The following SYNE1 variants were observed in gnomAD, a reference collection of about 807,000 sequenced individuals.
SYNE1 encodes the protein nesprin-1.
SYNE1 carries 616 observed loss-of-function variants against 1,111.0 expected under a neutral mutation model. That is an observed-to-expected ratio of 0.55 (90% CI 0.52 to 0.59). The LOEUF (loss-of-function observed/expected upper bound fraction) is 0.59, where lower values mean the gene tolerates loss of function less well. Among genes scored for constraint, SYNE1 ranks in the 20% least tolerant of loss-of-function variants. SYNE1 has a pLI of 0.00. For synonymous variants in SYNE1, 3,855 were observed against 3,825.8 expected (o/e 1.01, Z -0.28); for missense variants, 10,006 against 10,417.0 (o/e 0.96, Z 1.72).
rs116059674 is a variant in SYNE1 at position 152,624,625 on chromosome 6, G to A, written c.67+3640C>T. ...ACTATTGTCCTGTATTTGCTTTTAC[G>A]GTTATATTTAAATTGAGTAAAGTTC... On this transcript the variant is annotated intron_variant, in intron 3 of 145. Coordinates refer to ENST00000367255, the MANE Select transcript of SYNE1 (RefSeq NM_182961.4). Among the ~76,000 whole-genome samples, 769 of 152,092 alleles carry A rather than the reference G, an allele frequency of 5.1e-3. 12 individuals carry two copies. Among genetic ancestry groups the A allele is most frequent in the African/African-American group, 0.018 (731 of 41,474 alleles).
At chr6:152,149,394 T>C (rs2060038056) in intron 136 of SYNE1, 83 bp downstream of exon 136, 2 of 1,537,744 alleles carry the variant, frequency 1.3e-6, no homozygotes, top group Admixed American at 1.7e-5. Flanking sequence ...GTCTGAGCTC[T>C]CACCCACTAT....
At chr6:152,274,979 TG>T (rs1403779282) in intron 98 of SYNE1, among the ~76,000 whole-genome samples, 1 of 152,182 alleles carries the variant, frequency 6.6e-6, no homozygotes, top group Non-Finnish European at 1.5e-5. Context: ...CTCAACCACC[TG>T]GGCTTAAGGG....
intron 93 of SYNE1, among the ~76,000 whole-genome samples, chr6:152,297,384 C>T (rs1266569482): frequency 6.6e-6 from 1 of 152,132 alleles, no homozygotes; most frequent in African/African-American, 2.4e-5. Flanking sequence ...TAGGTGCCTT[C>T]TCTAGGCCCT....
At chr6:152,601,927 A>C (rs2099597145) in intron 3 of SYNE1, among the ~76,000 whole-genome samples, 1 of 152,072 alleles carries the variant, frequency 6.6e-6, no homozygotes, top group African/African-American at 2.4e-5. Context: ...GGCCATTCTC[A>C]TCTTGCCTAC....
At chr6:152,326,271 T>C in intron 79 of SYNE1, 25 bp downstream of exon 79, 3 of 1,613,954 alleles carry the variant, frequency 1.9e-6, no homozygotes, top group Non-Finnish European at 1.7e-6. Flanking sequence ...CACTAAAACA[T>C]AAAACACAAA....
chr6:152,475,054 A>G (rs1412052548), intron 14 of SYNE1, among the ~76,000 whole-genome samples: 1 of 152,230 alleles, frequency 6.6e-6, no homozygotes, highest in African/African-American at 2.4e-5. Context: ...GAGATTACCA[A>G]ATTGGACAAA....
chr6:152,484,210 T>A (rs1306976069), intron 13 of SYNE1, among the ~76,000 whole-genome samples: 1 of 150,982 alleles, frequency 6.6e-6, no homozygotes, highest in Non-Finnish European at 1.5e-5. Flanking sequence ...AGACACTATC[T>A]CAAAAACAAA....
At chr6:152,321,510 C>T in intron 83 of SYNE1, 120 bp from the exon 84 acceptor site, 1 of 1,332,622 alleles carries the variant, frequency 7.5e-7, no homozygotes, top group Non-Finnish European at 1.0e-6. Context: ...TATCTTAATA[C>T]AACATTGTTC....
chr6:152,612,950 C>T (rs937857081), intron 3 of SYNE1, among the ~76,000 whole-genome samples: 11 of 152,096 alleles, frequency 7.2e-5, no homozygotes, highest in African/African-American at 2.7e-4. Flanking sequence ...TTCAACAGTG[C>T]TTCATGCTAA....
At chr6:152,463,264 G>A in intron 19 of SYNE1, 89 bp downstream of exon 19, 14 of 1,576,440 alleles carry the variant, frequency 8.9e-6, no homozygotes, top group African/African-American at 1.3e-5. Flanking sequence ...ATAAACCCGT[G>A]CTCTAAAAAT....
Position 152,455,883 on chromosome 6 carries a change from T to C in SYNE1, c.2727+3A>G. On this transcript the variant is annotated splice_donor_region_variant and intron_variant, in intron 23 of 145. Coordinates refer to ENST00000367255, the MANE Select transcript of SYNE1 (RefSeq NM_182961.4). ...CAGCTCTAAAGCAGGGAGAGCAAATTACCTGAAAAGCAACATGAATATCTG... is the reference window on the plus strand; with the variant it reads ...CAGCTCTAAAGCAGGGAGAGCAAATCACCTGAAAAGCAACATGAATATCTG... The C allele has an allele frequency of 1.2e-6, 2 of 1,614,034 alleles. No individual in the cohort carries two copies. The highest frequency in any genetic ancestry group is 1.7e-6 in the Non-Finnish European group (2 of 1,179,950).
chr6:152,419,106 C>T (rs190921010), intron 40 of SYNE1, among the ~76,000 whole-genome samples: 30 of 152,238 alleles, frequency 2.0e-4, no homozygotes, highest in East Asian at 1.9e-4. Flanking sequence ...ATTATTTGAA[C>T]GTTCAGAGAG....
intron 101 of SYNE1, 144 bp downstream of exon 101, chr6:152,261,888 A>T: frequency 1.7e-6 from 1 of 581,454 alleles, no homozygotes; most frequent in Non-Finnish European, 2.9e-6. Flanking sequence ...TAGACTTGTT[A>T]AGAAAAATGT....
At position 152,321,303 on chromosome 6, in the gene SYNE1, T is replaced by C. The variant is rs778850674; in HGVS notation, c.16171A>G (p.Ile5391Val). ...QKEKYLGLYT[I>V]LPSELSLQLA... ...TGAAGGGAGAGTTCAGAAGGTAATA[T>C]GGTATAAAGACCTAAGTACTTCTCC... is the stretch of plus-strand genomic sequence containing the variant. The change falls in exon 84 of 146, where the codon ATA becomes GTA. Residue 5391 changes from isoleucine to valine, a missense_variant. Transcript: ENST00000367255. 7 of 1,613,984 alleles carry C rather than the reference T, an allele frequency of 4.3e-6. No homozygotes were observed. In the South Asian group the frequency reaches 7.7e-5, roughly 18 times the overall value.
intron 11 of SYNE1, among the ~76,000 whole-genome samples, chr6:152,492,630 G>A (rs1007071808): frequency 4.6e-5 from 7 of 152,200 alleles, no homozygotes; most frequent in African/African-American, 1.7e-4. Flanking sequence ...TGGAACTCTG[G>A]CCCAAGGCTC....
Position 152,255,571 on chromosome 6 carries a change from G to C in SYNE1, c.19260+20C>G, listed in dbSNP as rs550040044. The C allele has an allele frequency of 6.2e-7, 1 of 1,613,830 alleles. No individual in the cohort carries two copies. Among genetic ancestry groups the C allele is most frequent in the South Asian group, 1.1e-5 (1 of 91,064 alleles). On this transcript the variant is annotated intron_variant, in intron 103 of 145. Transcript: ENST00000367255. The stretch of plus-strand genomic sequence containing the variant: ...GCTTTGTAATGTTATACACACACAG[G>C]CAGGAACTACTAAACCTACCTCTTG...
chr6:152,565,413 T>C (rs1407748757), intron 3 of SYNE1, among the ~76,000 whole-genome samples: 1 of 152,230 alleles, frequency 6.6e-6, no homozygotes, highest in Non-Finnish European at 1.5e-5. Context: ...GTATGGCATA[T>C]GCAGCAATTT....
intron 3 of SYNE1, among the ~76,000 whole-genome samples, chr6:152,561,488 T>A (rs1335976722): frequency 6.6e-6 from 1 of 152,078 alleles, no homozygotes; most frequent in African/African-American, 2.4e-5. Flanking sequence ...ATTGTCAAAA[T>A]GTTCATATTA....
At chr6:152,236,421 C>G in intron 109 of SYNE1, 118 bp from the exon 110 acceptor site, 4 of 755,576 alleles carry the variant, frequency 5.3e-6, no homozygotes, top group Non-Finnish European at 8.9e-6. Context: ...TTAAACTATA[C>G]TCACTCAAGT....
Sources: gnomAD v4.1 joint callset for allele counts (sites outside exome capture counted in the v4.1 genomes callset) on GRCh38, gnomAD v4.1.1 for gene constraint, MANE v1.5 for transcripts, NCBI Gene and HGNC (gene_info 2026-07-23, HGNC 2026-07-21) for gene names.